SPOCK1: variants seen among roughly 807,000 people sequenced by gnomAD.
The protein encoded by SPOCK1 is testican-1.
In SPOCK1, 23 loss-of-function variants were observed where a neutral mutation model predicts 55.3. The observed-to-expected ratio is 0.42, with a 90% CI of 0.30 to 0.59. The LOEUF is 0.59. SPOCK1 is among the 20% of genes least tolerant of loss of function. The pLI is 0.22. For synonymous variants in SPOCK1, 226 were observed against 221.0 expected, an observed-to-expected ratio of 1.02 and a Z score of -0.20; for missense variants, 499 against 552.5, an observed-to-expected ratio of 0.90 and a Z score of 0.97.
At chr5:137,338,014 G>A (rs897874651) in intron 2 of SPOCK1, among the ~76,000 whole-genome samples, 4 of 152,004 alleles carry the variant, frequency 2.6e-5, no homozygotes, top group Admixed American at 1.3e-4. Flanking sequence ...ACACTCCTCT[G>A]TATTATTTTT....
rs149996520 is a variant in SPOCK1 at position 137,328,312 on chromosome 5, G to C, written c.187-61257C>G. Among the ~76,000 whole-genome samples the C allele has an allele frequency of 5.2e-3, 797 of 152,302 alleles. 6 individuals carry two copies. The highest frequency in any genetic ancestry group is 0.018 in the African/African-American group (755 of 41,562). ...AGGACAGAGATGGCGGGAAGAGGATGGACTGGGAAGAGTGAAAGTTTGCAA... is the reference window on the plus strand; with the variant it reads ...AGGACAGAGATGGCGGGAAGAGGATCGACTGGGAAGAGTGAAAGTTTGCAA... On this transcript the variant is annotated intron_variant, in intron 2 of 10. Transcript: ENST00000394945.
intron 2 of SPOCK1, among the ~76,000 whole-genome samples, chr5:137,404,142 T>A (rs1180572270): frequency 2.0e-5 from 3 of 152,026 alleles, no homozygotes; most frequent in Non-Finnish European, 4.4e-5. Flanking sequence ...AGTCACCAAC[T>A]CAAATGCGCA....
In SPOCK1 at chr5:137,024,227, G is replaced by A. The variant is rs6859095; in HGVS notation, c.590-31627C>T. Among the ~76,000 whole-genome samples the A allele has an allele frequency of 4.0e-3, 608 of 150,952 alleles. 7 individuals are homozygous for A. Among genetic ancestry groups the A allele is most frequent in the African/African-American group, 0.014 (574 of 41,138 alleles). ...TAGCACAGAATGAGAGAGTGCGGCCGAGGGTGACGGGTGTAATTAAAATTA... is the reference window on the plus strand; with the variant it reads ...TAGCACAGAATGAGAGAGTGCGGCCAAGGGTGACGGGTGTAATTAAAATTA... On this transcript the variant is annotated intron_variant, in intron 6 of 10. Coordinates refer to ENST00000394945, the MANE Select transcript of SPOCK1 (RefSeq NM_004598.4).
chr5:137,334,859 T>TCTCTAAGAACATTTAA (rs68052651), intron 2 of SPOCK1, among the ~76,000 whole-genome samples: 18,926 of 152,166 alleles, frequency 0.12, 2,197 homozygotes, highest in African/African-American at 0.31. Context: ...AAACAGGTGG[T>TCTCTAAGAACATTTAA]ACTGACCGAT....
At chr5:137,481,617 G>A (rs1450341787) in intron 2 of SPOCK1, among the ~76,000 whole-genome samples, 2 of 152,222 alleles carry the variant, frequency 1.3e-5, no homozygotes, top group East Asian at 3.8e-4. Context: ...GGGAATGGAG[G>A]AGAAAGATTT....
intron 2 of SPOCK1, among the ~76,000 whole-genome samples, chr5:137,475,973 G>A (rs1290088377): frequency 1.3e-5 from 2 of 151,844 alleles, no homozygotes; most frequent in Non-Finnish European, 2.9e-5. Flanking sequence ...AGGCAAGCTA[G>A]AGAACACTGT....
At chr5:137,202,686 C>T (rs1393185324) in intron 3 of SPOCK1, among the ~76,000 whole-genome samples, 4 of 152,198 alleles carry the variant, frequency 2.6e-5, no homozygotes, top group Non-Finnish European at 5.9e-5. Context: ...AGCTCCTTCA[C>T]TTGAGGAACT....
chr5:137,181,804 T>C (rs765315789), intron 3 of SPOCK1, among the ~76,000 whole-genome samples: 1 of 152,212 alleles, frequency 6.6e-6, no homozygotes, highest in Non-Finnish European at 1.5e-5. Flanking sequence ...ATAATCTAAA[T>C]CGGGCTGGGC....
chr5:137,163,439 G>A (rs1048259469), intron 3 of SPOCK1, among the ~76,000 whole-genome samples: 32 of 152,288 alleles, frequency 2.1e-4, no homozygotes, highest in Admixed American at 1.8e-3. Flanking sequence ...TTAGGATGAT[G>A]TGACATTTGA....
chr5:137,376,473 C>G (rs1305426843), intron 2 of SPOCK1, among the ~76,000 whole-genome samples: 1 of 152,204 alleles, frequency 6.6e-6, no homozygotes, highest in African/African-American at 2.4e-5. Context: ...ATCACAATTG[C>G]ACTCTGATTT....
chr5:137,370,479 G>A (rs1046106266), intron 2 of SPOCK1, among the ~76,000 whole-genome samples: 8 of 152,280 alleles, frequency 5.3e-5, no homozygotes, highest in African/African-American at 7.2e-5. Flanking sequence ...GGGTCAAAGA[G>A]GAAATAACTG....
chr5:136,985,879 C>T (rs1750831247), intron 8 of SPOCK1, among the ~76,000 whole-genome samples: 1 of 152,192 alleles, frequency 6.6e-6, no homozygotes, highest in Non-Finnish European at 1.5e-5. Flanking sequence ...CAGAGTTTTA[C>T]CATGATTTGC....
At chr5:137,251,481 CCT>C (rs753738396) in intron 3 of SPOCK1, among the ~76,000 whole-genome samples, 4 of 152,186 alleles carry the variant, frequency 2.6e-5, no homozygotes, top group Non-Finnish European at 4.4e-5. Context: ...CTTGGTTCCC[CCT>C]GTGTGAAGTG....
chr5:137,387,735 C>T (rs901059925), intron 2 of SPOCK1, among the ~76,000 whole-genome samples: 5 of 152,108 alleles, frequency 3.3e-5, no homozygotes, highest in African/African-American at 1.2e-4. Context: ...GTAGGTTCAT[C>T]AACTGTAACG....
chr5:137,489,250 G>A (rs1295141117), intron 2 of SPOCK1, among the ~76,000 whole-genome samples: 1 of 152,196 alleles, frequency 6.6e-6, no homozygotes, highest in Non-Finnish European at 1.5e-5. Context: ...TGATCCCTTA[G>A]ATGAATGTCT....
chr5:137,419,273 T>G (rs886307056), intron 2 of SPOCK1, among the ~76,000 whole-genome samples: 6 of 152,354 alleles, frequency 3.9e-5, no homozygotes, highest in African/African-American at 9.6e-5. Flanking sequence ...AGGATTGACT[T>G]GGAAATGCAG....
chr5:137,324,673 G>A (rs1342876526), intron 2 of SPOCK1, among the ~76,000 whole-genome samples: 1 of 152,116 alleles, frequency 6.6e-6, no homozygotes, highest in Non-Finnish European at 1.5e-5. Flanking sequence ...TTTCAGTCAT[G>A]CAAGATGAAA....
chr5:137,416,901 T>C (rs796896874), intron 2 of SPOCK1, among the ~76,000 whole-genome samples: 56 of 152,294 alleles, frequency 3.7e-4, no homozygotes, highest in African/African-American at 1.2e-3. Flanking sequence ...TAGATGTCTT[T>C]TTGTGAAGTT....
At chr5:137,283,851 C>T (rs1402852531) in intron 2 of SPOCK1, among the ~76,000 whole-genome samples, 1 of 152,190 alleles carries the variant, frequency 6.6e-6, no homozygotes, top group Non-Finnish European at 1.5e-5. Context: ...TTTTCTACTA[C>T]AGACCTGAAA....
Sources: gnomAD v4.1 joint callset for allele counts (sites outside exome capture counted in the v4.1 genomes callset) on GRCh38, gnomAD v4.1.1 for gene constraint, MANE v1.5 for transcripts, NCBI Gene and HGNC (gene_info 2026-07-23, HGNC 2026-07-21) for gene names.